TMEM223: variants seen among roughly 807,000 people sequenced by gnomAD.
TMEM223 encodes transmembrane protein 223.
A neutral mutation model predicts 14.1 loss-of-function variants in TMEM223; 14 were observed. That is an observed-to-expected ratio of 0.99 (90% CI 0.66 to 1.55). The LOEUF is 1.55. Among genes scored for constraint, TMEM223 ranks in the 40% most tolerant of loss-of-function variants. The pLI is 0.00. For synonymous variants in TMEM223, 145 were observed against 120.5 expected (o/e 1.20, Z -1.33); for missense variants, 346 against 269.9 (o/e 1.28, Z -1.97).
At chr11:62,786,975 C>CG (rs1420571006), downstream of TMEM223, 3 of 1,447,248 alleles carry the variant, frequency 2.1e-6, no homozygotes, top group Non-Finnish European at 2.7e-6. Flanking sequence ...CCTCTGGGCC[C>CG]GCCGCCTCTG....
intron 1 of TMEM223, chr11:62,782,338 C>T (rs751700924): frequency 6.2e-7 from 1 of 1,612,750 alleles, no homozygotes; most frequent in South Asian, 1.1e-5. Flanking sequence ...CTTCTGGTAG[C>T]CACTGGGCCT....
chr11:62,775,795 A>C, intron 1 of TMEM223: 1 of 1,609,396 alleles, frequency 6.2e-7, no homozygotes, highest in Non-Finnish European at 8.5e-7. Context: ...TGTCAGAGCG[A>C]GAAGAGCGGC....
chr11:62,790,156 G>A lies in TMEM223; in HGVS notation c.*467C>T. 1.6e-6 allele frequency: 2 copies of A among 1,284,376 alleles called. No homozygotes were observed. Among genetic ancestry groups the A allele is most frequent in the Non-Finnish European group, 2.1e-6 (2 of 965,262 alleles). 79.6% of individuals were successfully genotyped at this position (1,284,376 alleles called of 1,614,324 possible). On this transcript the variant is annotated 3_prime_UTR_variant, in exon 2 of 2. Transcript: ENST00000307366. The stretch of plus-strand genomic sequence containing the variant: ...GGAGTCTTAGTTTTCCTTTCGTTGG[G>A]GGGTGGGGGGGAAACATAATGACAG...
At chr11:62,774,100 G>A (rs1565186007) in intron 2 of TMEM223, among the ~76,000 whole-genome samples, 1 of 151,638 alleles carries the variant, frequency 6.6e-6, no homozygotes, top group Non-Finnish European at 1.5e-5. Flanking sequence ...TTTTTGAGAC[G>A]GAGTCTTGCT....
intron 2 of TMEM223, among the ~76,000 whole-genome samples, chr11:62,773,093 G>A (rs1216555582): frequency 4.0e-5 from 6 of 151,392 alleles, no homozygotes; most frequent in Non-Finnish European, 7.4e-5. Context: ...CACCAGCTTC[G>A]GCCTCCCAAA....
At chr11:62,788,999 G>C (rs1467931728), downstream of TMEM223, 1 of 1,598,196 alleles carries the variant, frequency 6.3e-7, no homozygotes, top group Admixed American at 1.7e-5. Context: ...CTGAAATCTA[G>C]GACTCAGCAG....
In TMEM223 at chr11:62,791,889, G is replaced by A; in HGVS notation, c.106C>T (p.Leu36Phe). 1 of 1,599,556 alleles carries A rather than the reference G, an allele frequency of 6.3e-7. No individual in the cohort carries two copies. Among genetic ancestry groups the A allele is most frequent in the Non-Finnish European group, 8.5e-7 (1 of 1,173,682 alleles). Residue 36 changes from leucine (L) to phenylalanine (F), a missense_variant, in exon 1 of 2, where the codon CTC (leucine) becomes TTC (phenylalanine). Transcript: ENST00000307366. ...QGTTLQRDVL[L>F]FEHDRGRFFT... ...AAGCGGCCCCGATCATGCTCAAAGA[G>A]CAGCACATCCCGTTGCAGCGTCGTG... is the stretch of plus-strand genomic sequence containing the variant.
downstream of TMEM223, chr11:62,787,219 C>G: frequency 1.9e-6 from 3 of 1,587,544 alleles, no homozygotes; most frequent in Middle Eastern, 1.7e-4. Context: ...CGTGCAGAAA[C>G]TGCCCATGAT....
At chr11:62,789,517 T>C, downstream of TMEM223, 1 of 1,590,866 alleles carries the variant, frequency 6.3e-7, no homozygotes, top group Non-Finnish European at 8.6e-7. Flanking sequence ...CATCAGTTGC[T>C]CTCAACTCAC....
downstream of TMEM223, chr11:62,786,043 A>T: frequency 1.9e-6 from 1 of 528,674 alleles, no homozygotes; most frequent in Non-Finnish European, 3.3e-6. Flanking sequence ...TATATTTTTT[A>T]TTGTCTCCCT....
Position 62,779,980 on chromosome 11 carries a change from T to A in TMEM223, c.315-5315A>T, listed in dbSNP as rs1248134459. 2.0e-3 allele frequency among the ~76,000 whole-genome samples: 247 copies of A among 123,758 alleles called. 2 individuals are homozygous for A. Among genetic ancestry groups the A allele is most frequent in the South Asian group, 0.012 (41 of 3,486 alleles). 81.2% of individuals were successfully genotyped at this position (123,758 alleles called of 152,430 possible). On this transcript the variant is annotated intron_variant, in intron 1 of 2. Coordinates refer to the TMEM223 transcript ENST00000528367. ...TATATATATATATATATATATATTT[T>A]TTTTTTTTTTTTTTTTAGAGACAGG...
chr11:62,785,253 G>A (rs890777117), downstream of TMEM223, among the ~76,000 whole-genome samples: 7 of 151,330 alleles, frequency 4.6e-5, no homozygotes, highest in African/African-American at 1.2e-4. Flanking sequence ...GTGCAATGGC[G>A]CGACCTCGGC....
chr11:62,782,895 A>G (rs2084241046), downstream of TMEM223: 1 of 1,584,604 alleles, frequency 6.3e-7, no homozygotes, highest in South Asian at 1.1e-5. Flanking sequence ...GTACTTGTGC[A>G]TCGTTATCTC....
downstream of TMEM223, chr11:62,787,795 T>A: frequency 1.5e-6 from 1 of 677,428 alleles, no homozygotes; most frequent in South Asian, 1.5e-5. Context: ...GTTTCGTGGC[T>A]CCTGCTGCAC....
downstream of TMEM223, chr11:62,787,343 T>C: frequency 6.6e-7 from 1 of 1,526,096 alleles, no homozygotes. Flanking sequence ...CCCCCGGAAA[T>C]GACGTCTCCA....
Position 62,776,054 on chromosome 11 carries a change from A to G in TMEM223, c.315-1389T>C, listed in dbSNP as rs111758735. On this transcript the variant is annotated intron_variant, in intron 1 of 2. Coordinates refer to the TMEM223 transcript ENST00000528367. ...CTGCTCCATACAACAGAGACAGTCC[A>G]TGCCTTTACAGAACTCTACTTGTAG... 3.4e-3 allele frequency: 4,346 copies of G among 1,262,366 alleles called. 14 individuals carry two copies. The highest frequency in any genetic ancestry group is 4.2e-3 in the Non-Finnish European group (3,898 of 930,820). 78.2% of individuals were successfully genotyped at this position (1,262,366 alleles called of 1,614,324 possible).
downstream of TMEM223, chr11:62,786,412 T>C (rs1211857189): frequency 1.9e-6 from 3 of 1,607,614 alleles, no homozygotes; most frequent in Non-Finnish European, 2.6e-6. Flanking sequence ...CCTTCCAGCC[T>C]CCCTTCCCTG....
At position 62,790,110 on chromosome 11, in the gene TMEM223, C is replaced by G. The variant is rs558769093; in HGVS notation, c.*513G>C. 2.2e-3 allele frequency: 3,287 copies of G among 1,485,606 alleles called. 9 individuals are homozygous for G. The highest frequency in any genetic ancestry group is 2.0e-3 in the Non-Finnish European group (2,232 of 1,116,156). 92.0% of individuals were successfully genotyped at this position (1,485,606 alleles called of 1,614,324 possible). A position where few individuals can be genotyped will look rare whatever the true frequency, so the allele number is the denominator to read the frequency against. On this transcript the variant is annotated 3_prime_UTR_variant, in exon 2 of 2. Coordinates refer to ENST00000307366, the MANE Select transcript of TMEM223 (RefSeq NM_001080501.3). ...TGCCCAAGTGCCTGTAATCCCCCCC[C>G]TCAAGGCCCTGTTTATGTTGGGAGT...
Position 62,790,481 on chromosome 11 carries a change from G to T in TMEM223, c.*142C>A. On this transcript the variant is annotated 3_prime_UTR_variant, in exon 2 of 2. Coordinates refer to ENST00000307366, the MANE Select transcript of TMEM223 (RefSeq NM_001080501.3). ...AATAGAGACAAGGTCTCGCTATGTT[G>T]CCCAGCCTGGGCTCGAGCAGTGCTC... The T allele has an allele frequency of 1.2e-4, 62 of 538,528 alleles. No homozygotes were observed. The highest frequency in any genetic ancestry group is 2.5e-4 in the East Asian group (6 of 23,884). The allele number at this position is 538,528 out of a possible 1,614,324, so 33.4% of individuals were successfully genotyped here. A position where few individuals can be genotyped will look rare whatever the true frequency, so the allele number is the denominator to read the frequency against.
Sources: gnomAD v4.1 joint callset for allele counts (sites outside exome capture counted in the v4.1 genomes callset) on GRCh38, gnomAD v4.1.1 for gene constraint, MANE v1.5 for transcripts, NCBI Gene and HGNC (gene_info 2026-07-23, HGNC 2026-07-21) for gene names.